RNF152: variants seen among roughly 807,000 people sequenced by gnomAD.
RNF152 encodes the protein ring finger protein 152, also known as E3 ubiquitin-protein ligase RNF152.
RNF152 carries 11 observed loss-of-function variants against 12.7 expected under a neutral mutation model. The ratio of observed to expected loss-of-function variants is 0.86; its 90% confidence interval spans 0.54 to 1.43. RNF152 has a LOEUF of 1.43. RNF152 is among the 40% of genes most tolerant of loss of function. The pLI, the probability that RNF152 is intolerant of heterozygous loss-of-function variation, is 0.00. For missense variants in RNF152, 255 were observed against 274.8 expected (o/e 0.93, Z 0.51); for synonymous variants, 113 against 120.3 (o/e 0.94, Z 0.40).
chr18:61,859,054 G>A (rs958430763), intron 1 of RNF152, among the ~76,000 whole-genome samples: 17 of 152,134 alleles, frequency 1.1e-4, no homozygotes, highest in Non-Finnish European at 2.1e-4. Flanking sequence ...CCCATCTGAT[G>A]TCCCTCAGCC....
At chr18:61,873,134 C>T (rs955534947) in intron 1 of RNF152, among the ~76,000 whole-genome samples, 13 of 151,998 alleles carry the variant, frequency 8.6e-5, no homozygotes, top group Non-Finnish European at 1.9e-4. Context: ...TTCTGTCTGC[C>T]CATCAAAAAA....
intron 1 of RNF152, among the ~76,000 whole-genome samples, chr18:61,853,127 C>T (rs7229834): frequency 0.47 from 71,525 of 151,924 alleles, 17,095 homozygotes; most frequent in Middle Eastern, 0.51. Flanking sequence ...TAGTTTCCTA[C>T]TGCCACTGTA....
intron 1 of RNF152, among the ~76,000 whole-genome samples, chr18:61,882,951 G>T (rs1912526727): frequency 1.3e-5 from 2 of 152,146 alleles, no homozygotes; most frequent in Admixed American, 6.5e-5. Flanking sequence ...AAAGCAACTT[G>T]TCTGCTAGCA....
At chr18:61,842,303 T>A (rs184081391) in intron 1 of RNF152, among the ~76,000 whole-genome samples, 79 of 152,372 alleles carry the variant, frequency 5.2e-4, no homozygotes, top group Admixed American at 1.9e-3. Flanking sequence ...CTTTGTGGCC[T>A]AGTTTTCTAA....
In RNF152 at chr18:61,819,497, A is replaced by G. The variant is rs374278354; in HGVS notation, c.-135-2899T>C. Among the ~76,000 whole-genome samples the G allele has an allele frequency of 3.3e-5, 5 of 152,378 alleles. No individual in the cohort carries two copies. The South Asian group carries it at 6.2e-4, about 19-fold the overall frequency. ...GTAGCTGAAGTGAATAGTGATGATTAGGACAGAATGATGAGATGTGAGAAG... is the reference window on the plus strand; with the variant it reads ...GTAGCTGAAGTGAATAGTGATGATTGGGACAGAATGATGAGATGTGAGAAG... On this transcript the variant is annotated intron_variant, in intron 1 of 1. Coordinates refer to ENST00000312828, the MANE Select transcript of RNF152 (RefSeq NM_173557.3).
chr18:61,823,537 G>T (rs1184014212), intron 1 of RNF152, among the ~76,000 whole-genome samples: 1 of 152,208 alleles, frequency 6.6e-6, no homozygotes, highest in African/African-American at 2.4e-5. Flanking sequence ...GACTTCAACT[G>T]ATCTGCCCGT....
intron 1 of RNF152, among the ~76,000 whole-genome samples, chr18:61,830,381 C>T (rs1210328394): frequency 1.3e-5 from 2 of 152,120 alleles, no homozygotes; most frequent in Non-Finnish European, 2.9e-5. Context: ...TCAACAACCG[C>T]TCCCCATTTC....
intron 1 of RNF152, among the ~76,000 whole-genome samples, chr18:61,844,901 G>A (rs919311136): frequency 6.6e-6 from 1 of 150,838 alleles, no homozygotes; most frequent in African/African-American, 2.4e-5. Context: ...TCACCTACTC[G>A]CCCCAGTGAT....
At chr18:61,831,787 T>C (rs1234953100) in intron 1 of RNF152, among the ~76,000 whole-genome samples, 1 of 152,118 alleles carries the variant, frequency 6.6e-6, no homozygotes, top group African/African-American at 2.4e-5. Context: ...ACTTCTATTT[T>C]AAAAAGTGTC....
chr18:61,821,577 T>C (rs886740259), intron 1 of RNF152, among the ~76,000 whole-genome samples: 1 of 152,128 alleles, frequency 6.6e-6, no homozygotes, highest in Non-Finnish European at 1.5e-5. Flanking sequence ...AGAAAAGAAA[T>C]TCAGAGTTCC....
chr18:61,866,502 C>T (rs1441980041), intron 1 of RNF152, among the ~76,000 whole-genome samples: 2 of 152,232 alleles, frequency 1.3e-5, no homozygotes, highest in African/African-American at 4.8e-5. Flanking sequence ...CATCCCATGG[C>T]TCCTTAGTAC....
At chr18:61,830,440 T>C (rs1169906988) in intron 1 of RNF152, among the ~76,000 whole-genome samples, 1 of 152,154 alleles carries the variant, frequency 6.6e-6, no homozygotes, top group Non-Finnish European at 1.5e-5. Flanking sequence ...CACTATGAAT[T>C]TGCCTGTTCC....
rs74468340 is a variant in RNF152, at chr18:61,862,348, T to C, written c.-136+30447A>G. 6.0e-4 allele frequency among the ~76,000 whole-genome samples: 92 copies of C among 152,318 alleles called. 2 individuals carry two copies. In the East Asian group the frequency reaches 0.017, roughly 28 times the overall value. On this transcript the variant is annotated intron_variant, in intron 1 of 1. Transcript: ENST00000312828. ...CACACACGAGGAAACTAAGGCTCAGTTGGATCAGGGACTGCCCAGAGAGGA... is the reference window on the plus strand; with the variant it reads ...CACACACGAGGAAACTAAGGCTCAGCTGGATCAGGGACTGCCCAGAGAGGA...
rs1166529187 is a variant in RNF152 at position 61,811,841 on chromosome 18, G to A, written c.*4011C>T. The A allele has an allele frequency of 6.6e-6, 1 of 152,108 alleles. No individual in the cohort carries two copies. Among genetic ancestry groups the A allele is most frequent in the Non-Finnish European group, 1.5e-5 (1 of 68,014 alleles). The allele number at this position is 152,108 out of a possible 1,614,324, so 9.4% of individuals were successfully genotyped here. A position where few individuals can be genotyped will look rare whatever the true frequency, so the allele number is the denominator to read the frequency against. On this transcript the variant is annotated 3_prime_UTR_variant, in exon 2 of 2. Transcript: ENST00000312828. ...GCAAGTCAAACGTTTTACAGGTACT[G>A]TCTAACTACTATTTTTGGACAATAG... is the stretch of plus-strand genomic sequence containing the variant.
In RNF152 at chr18:61,839,820, G is replaced by A. The variant is rs570962763; in HGVS notation, c.-135-23222C>T. 1.3e-3 allele frequency among the ~76,000 whole-genome samples: 196 copies of A among 152,246 alleles called. 1 individual carries two copies. Among genetic ancestry groups the A allele is most frequent in the Middle Eastern group, 0.01 (3 of 294 alleles). On this transcript the variant is annotated intron_variant, in intron 1 of 1. Coordinates refer to ENST00000312828, the MANE Select transcript of RNF152 (RefSeq NM_173557.3). ...TGAGGCAGGAGAATGGCATGAACCC[G>A]GGAGGCAGAGCTTGCAGTGGGCCGA...
rs1344591753 is a variant in RNF152 at position 61,820,331 on chromosome 18, C to CAAAAAAAAAAAAA, written c.-135-3746_-135-3734dup. Among the ~76,000 whole-genome samples the CAAAAAAAAAAAAA allele has an allele frequency of 5.0e-5, 2 of 39,980 alleles. 1 individual carries two copies. The highest frequency in any genetic ancestry group is 2.9e-4 in the African/African-American group (2 of 6,832). The allele number at this position is 39,980 out of a possible 152,430, so 26.2% of individuals were successfully genotyped here. On this transcript the variant is annotated intron_variant, in intron 1 of 1. Coordinates refer to ENST00000312828, the MANE Select transcript of RNF152 (RefSeq NM_173557.3). ...GTGACAGAGAGAGACTCCGTCTCAC[C>CAAAAAAAAAAAAA]AAAAAAAAAAAAAAAAAAAAAAAAA...
At chr18:61,826,018 C>T (rs1173889988) in intron 1 of RNF152, among the ~76,000 whole-genome samples, 1 of 152,172 alleles carries the variant, frequency 6.6e-6, no homozygotes, top group Non-Finnish European at 1.5e-5. Context: ...CTAGGCTTTG[C>T]GGATCCTACA....
At position 61,814,141 on chromosome 18, in the gene RNF152, G is replaced by A. The variant is rs1908951502; in HGVS notation, c.*1711C>T. ...TTAGCAGTATTAGCTTTGTATTCTA[G>A]CCATTATATTTTTGTTTTATTTCAC... On this transcript the variant is annotated 3_prime_UTR_variant, in exon 2 of 2. Coordinates refer to ENST00000312828, the MANE Select transcript of RNF152 (RefSeq NM_173557.3). The A allele has an allele frequency of 6.6e-6, 1 of 152,088 alleles. No homozygotes were observed. Among genetic ancestry groups the A allele is most frequent in the African/African-American group, 2.4e-5 (1 of 41,422 alleles). The allele number at this position is 152,088 out of a possible 1,614,324, so 9.4% of individuals were successfully genotyped here.
At chr18:61,829,832 A>C (rs566112635) in intron 1 of RNF152, among the ~76,000 whole-genome samples, 1 of 152,128 alleles carries the variant, frequency 6.6e-6, no homozygotes, top group African/African-American at 2.4e-5. Context: ...GTCCCCTCCT[A>C]TTCTGTAATC....
Sources: allele counts gnomAD v4.1 joint callset (sites outside exome capture counted in the v4.1 genomes callset), GRCh38; gene constraint gnomAD v4.1.1; transcripts MANE v1.5; gene names NCBI Gene and HGNC (gene_info 2026-07-23, HGNC 2026-07-21).